The following TBC1D5 variants were observed in gnomAD, a reference collection of about 807,000 sequenced individuals.
The protein encoded by TBC1D5 is TBC1 domain family, member 5.
TBC1D5 carries 75 observed loss-of-function variants against 100.3 expected under a neutral mutation model. The ratio of observed to expected loss-of-function variants is 0.75; its 90% CI spans 0.62 to 0.91. The LOEUF (loss-of-function observed/expected upper bound fraction) is 0.91. TBC1D5 is among the 40% of genes least tolerant of loss of function. TBC1D5 has a pLI of 0.00. For synonymous variants in TBC1D5, 323 were observed against 325.6 expected (o/e 0.99, Z 0.09); for missense variants, 910 against 942.4 (o/e 0.97, Z 0.45).
chr3:17,561,676 A>G (rs938377764), intron 2 of TBC1D5, among the ~76,000 whole-genome samples: 1 of 152,158 alleles, frequency 6.6e-6, no homozygotes, highest in Non-Finnish European at 1.5e-5. Context: ...CTTTAGGCCA[A>G]CGAATTTGAA....
chr3:17,510,095 G>A (rs1326748099), intron 2 of TBC1D5, among the ~76,000 whole-genome samples: 2 of 149,944 alleles, frequency 1.3e-5, no homozygotes, highest in Non-Finnish European at 2.9e-5. Context: ...ATGAGAAAAA[G>A]AGGAAATAAG....
intron 2 of TBC1D5, among the ~76,000 whole-genome samples, chr3:17,599,448 T>C (rs984005514): frequency 3.3e-5 from 5 of 151,948 alleles, no homozygotes. Flanking sequence ...AAGATTATCT[T>C]CCCAACCCAT....
At chr3:17,173,262 T>A (rs1221390289) in intron 19 of TBC1D5, among the ~76,000 whole-genome samples, 4 of 152,194 alleles carry the variant, frequency 2.6e-5, no homozygotes, top group Admixed American at 2.6e-4. Context: ...CTGAGCTTCA[T>A]GATTATTTGT....
At chr3:17,421,424 A>G (rs2094205184) in intron 4 of TBC1D5, among the ~76,000 whole-genome samples, 1 of 152,216 alleles carries the variant, frequency 6.6e-6, no homozygotes, top group Non-Finnish European at 1.5e-5. Context: ...AGAAGCGATT[A>G]TATAAAAGTT....
intron 1 of TBC1D5, among the ~76,000 whole-genome samples, chr3:17,671,698 GATA>G (rs2067964051): frequency 6.6e-6 from 1 of 152,148 alleles, no homozygotes; most frequent in Non-Finnish European, 1.5e-5. Context: ...CCCCAAATGT[GATA>G]ATGATGTTAA....
chr3:17,657,634 C>T (rs545974097), intron 1 of TBC1D5, among the ~76,000 whole-genome samples: 11 of 152,222 alleles, frequency 7.2e-5, no homozygotes, highest in Admixed American at 5.2e-4. Flanking sequence ...CATGTCCGGC[C>T]GGACAAATTC....
chr3:17,190,068 A>G (rs1422368710), intron 18 of TBC1D5, among the ~76,000 whole-genome samples: 2 of 152,160 alleles, frequency 1.3e-5, no homozygotes, highest in Admixed American at 6.5e-5. Context: ...TTTAAATTTA[A>G]TATGTCAATT....
chr3:17,216,384 A>G (rs1330827086), intron 17 of TBC1D5, among the ~76,000 whole-genome samples: 1 of 152,092 alleles, frequency 6.6e-6, no homozygotes, highest in African/African-American at 2.4e-5. Context: ...GAGACTTGTT[A>G]GATCTGTATC....
At chr3:17,467,294 T>A (rs1349974735) in intron 3 of TBC1D5, among the ~76,000 whole-genome samples, 1 of 151,084 alleles carries the variant, frequency 6.6e-6, no homozygotes, top group Non-Finnish European at 1.5e-5. Flanking sequence ...TTCTTTTTTT[T>A]TTTTTTTTTT....
At chr3:17,209,855 A>T (rs2072723929) in intron 18 of TBC1D5, among the ~76,000 whole-genome samples, 1 of 152,138 alleles carries the variant, frequency 6.6e-6, no homozygotes, top group Non-Finnish European at 1.5e-5. Context: ...TTTTGAATAA[A>T]TCTTTCTGGA....
chr3:17,350,423 AGCT>A (rs1050170991), intron 13 of TBC1D5, among the ~76,000 whole-genome samples: 2 of 152,160 alleles, frequency 1.3e-5, no homozygotes, highest in Non-Finnish European at 2.9e-5. Context: ...AGAGTCAAAG[AGCT>A]GCTTTTTTGT....
chr3:17,369,329 G>A (rs888167674), intron 13 of TBC1D5, among the ~76,000 whole-genome samples: 1 of 152,066 alleles, frequency 6.6e-6, no homozygotes, highest in East Asian at 1.9e-4. Flanking sequence ...TAATGGTAAT[G>A]ACAAATAATG....
rs547394280 is a variant in TBC1D5, at chr3:17,374,518, C to G, written c.775G>C (p.Glu259Gln). The change falls in exon 12 of 22, where the codon GAA becomes CAA. Residue 259 changes from glutamate to glutamine, a missense_variant. Coordinates refer to ENST00000253692, the Ensembl canonical transcript of TBC1D5. ...GTTGAAAACCAAGGTTCAGCAGTTT[C>G]CATAAGTTGTGAGAACACTGCACTA... 2.5e-5 allele frequency: 41 copies of G among 1,612,076 alleles called. No individual in the cohort carries two copies. Among genetic ancestry groups the G allele is most frequent in the Non-Finnish European group, 3.3e-5 (39 of 1,179,030 alleles).
intron 3 of TBC1D5, among the ~76,000 whole-genome samples, chr3:17,432,978 A>G (rs940902171): frequency 5.3e-5 from 8 of 152,224 alleles, no homozygotes; most frequent in Non-Finnish European, 8.8e-5. Flanking sequence ...TGAACACTGA[A>G]TCAAGAAAAA....
chr3:17,406,630 C>T, intron 4 of TBC1D5, 104 bp from the exon 5 acceptor site: 2 of 946,290 alleles, frequency 2.1e-6, no homozygotes, highest in Admixed American at 5.0e-5. Flanking sequence ...AAAAATGCAA[C>T]TTTTAAAACA....
At chr3:17,449,125 G>A (rs1330607547) in intron 3 of TBC1D5, among the ~76,000 whole-genome samples, 2 of 152,222 alleles carry the variant, frequency 1.3e-5, no homozygotes, top group Non-Finnish European at 2.9e-5. Context: ...CACCTGGGAA[G>A]CCCAAGGAGT....
At chr3:17,319,072 T>C (rs2085048867) in intron 13 of TBC1D5, among the ~76,000 whole-genome samples, 1 of 152,188 alleles carries the variant, frequency 6.6e-6, no homozygotes, top group South Asian at 2.1e-4. Flanking sequence ...GGTCTAGAAT[T>C]GTATTTCGGG....
At chr3:17,355,384 C>G (rs1416359782) in intron 13 of TBC1D5, among the ~76,000 whole-genome samples, 1 of 152,024 alleles carries the variant, frequency 6.6e-6, no homozygotes, top group East Asian at 1.9e-4. Flanking sequence ...AAAATAGTTC[C>G]AAGTAGAAAA....
intron 1 of TBC1D5, among the ~76,000 whole-genome samples, chr3:17,680,557 T>A (rs1283528138): frequency 6.6e-6 from 1 of 151,332 alleles, no homozygotes; most frequent in Non-Finnish European, 1.5e-5. Context: ...CTTTCCTATA[T>A]ATGATCTTTT....
Sources: gnomAD v4.1 joint callset for allele counts (sites outside exome capture counted in the v4.1 genomes callset) on GRCh38, gnomAD v4.1.1 for gene constraint, MANE v1.5 for transcripts, NCBI Gene and HGNC (gene_info 2026-07-23, HGNC 2026-07-21) for gene names.